Variants in PRIM2 observed in about 807,000 individuals in gnomAD.
PRIM2 encodes the protein DNA primase subunit 2, also known as DNA primase large subunit.
In PRIM2, 39 loss-of-function variants were observed where a neutral mutation model predicts 67.3. The observed-to-expected ratio is 0.58, with a 90% CI of 0.45 to 0.76. The LOEUF (loss-of-function observed/expected upper bound fraction) is 0.76, where lower values mean the gene tolerates loss of function less well. Ranked by LOEUF, PRIM2 falls within the 30% of genes least tolerant of loss-of-function variation. The probability of loss-of-function intolerance (pLI) is 0.00; values close to 1 mark genes in which losing one functional copy is unlikely to be tolerated. For synonymous variants in PRIM2, 143 were observed against 198.7 expected, an observed-to-expected ratio of 0.72 and a Z score of 2.36; for missense variants, 398 against 598.7, an observed-to-expected ratio of 0.66 and a Z score of 3.50.
chr6:57,489,420 G>A (rs1186146770), intron 7 of PRIM2, among the ~76,000 whole-genome samples: 1 of 152,290 alleles, frequency 6.6e-6, no homozygotes, highest in Non-Finnish European at 1.5e-5. Context: ...AGCTGGGCGT[G>A]GTGGTGGGCA....
chr6:57,603,360 A>G (rs1443298324), intron 11 of PRIM2, among the ~76,000 whole-genome samples: 4 of 152,130 alleles, frequency 2.6e-5, no homozygotes, highest in Non-Finnish European at 2.9e-5. Flanking sequence ...AGTGTTTTTG[A>G]TCGCTAGCAT....
chr6:57,413,722 T>C (rs7743201), intron 7 of PRIM2, among the ~76,000 whole-genome samples: 2 of 152,140 alleles, frequency 1.3e-5, no homozygotes, highest in Non-Finnish European at 2.9e-5. Context: ...AAAATTTTAC[T>C]GGAGGATATA....
intron 7 of PRIM2, among the ~76,000 whole-genome samples, chr6:57,502,455 C>T (rs1293832818): frequency 6.6e-6 from 1 of 152,206 alleles, no homozygotes; most frequent in Non-Finnish European, 1.5e-5. Context: ...CTCTGCTTCA[C>T]TATCCGATGC....
chr6:57,488,590 A>C (rs1472660504), intron 7 of PRIM2, among the ~76,000 whole-genome samples: 1 of 152,210 alleles, frequency 6.6e-6, no homozygotes, highest in African/African-American at 2.4e-5. Flanking sequence ...CCTTCAGGGG[A>C]GGAGTCCCAC....
chr6:57,494,493 G>C (rs1773962776), intron 7 of PRIM2, among the ~76,000 whole-genome samples: 1 of 152,292 alleles, frequency 6.6e-6, no homozygotes, highest in African/African-American at 2.4e-5. Context: ...AAGGAATTTT[G>C]CATGTAATTT....
intron 7 of PRIM2, among the ~76,000 whole-genome samples, chr6:57,397,609 C>A (rs1180242034): frequency 6.6e-6 from 1 of 152,014 alleles, no homozygotes; most frequent in Non-Finnish European, 1.5e-5. Context: ...CATTGGGCTT[C>A]CCCTTTCTTG....
chr6:57,322,344 G>A (rs1042514068), intron 3 of PRIM2, among the ~76,000 whole-genome samples: 2 of 152,062 alleles, frequency 1.3e-5, no homozygotes, highest in African/African-American at 2.4e-5. Context: ...TTAGGTGCAG[G>A]AATTAGCTTT....
intron 7 of PRIM2, among the ~76,000 whole-genome samples, chr6:57,440,081 A>G (rs184194968): frequency 2.0e-5 from 3 of 151,304 alleles, no homozygotes; most frequent in Non-Finnish European, 4.4e-5. Context: ...GAAAATTAAA[A>G]CTATTGAGAA....
intron 10 of PRIM2, among the ~76,000 whole-genome samples, chr6:57,547,832 C>T (rs2127473925): frequency 6.6e-6 from 1 of 152,352 alleles, no homozygotes; most frequent in Admixed American, 6.5e-5. Flanking sequence ...AGACTAAGAA[C>T]AAACTTGTGT....
At chr6:57,501,258 T>A (rs1774124538) in intron 7 of PRIM2, among the ~76,000 whole-genome samples, 1 of 152,196 alleles carries the variant, frequency 6.6e-6, no homozygotes, top group East Asian at 1.9e-4. Flanking sequence ...GATTTTTCTA[T>A]ATTTGAGTGG....
chr6:57,326,025 A>G lies in PRIM2; in HGVS notation c.439A>G (p.Ser147Gly). ...TAAAATTCAGGATTTCTTAAAGGAT[A>G]GCCAATTGCAGTTTGAGGCTGTAAG... ...KDKIQDFLKD[S>G]QLQFEAISDE... is the part of the protein sequence containing the mutation. Residue 147 changes from serine to glycine, a missense_variant, in exon 5 of 14, where the codon AGC becomes GGC. Ser to Gly is a moderately conservative substitution (Grantham distance 56). This residue lies in a region of PRIM2 where 229 missense variants were observed against 383.6 expected (regional missense o/e 0.60). Coordinates refer to ENST00000615550, the MANE Select transcript of PRIM2 (RefSeq NM_000947.5). 3 of 1,612,334 alleles carry G rather than the reference A, an allele frequency of 1.9e-6. No homozygotes were observed. Among genetic ancestry groups the G allele is most frequent in the Non-Finnish European group, 2.5e-6 (3 of 1,179,382 alleles).
intron 11 of PRIM2, among the ~76,000 whole-genome samples, chr6:57,602,864 T>A (rs1182278906): frequency 1.3e-5 from 2 of 152,140 alleles, no homozygotes; most frequent in African/African-American, 4.8e-5. Flanking sequence ...TTTTTTAGAG[T>A]TGTTTTAGGT....
intron 5 of PRIM2, among the ~76,000 whole-genome samples, chr6:57,328,064 T>G (rs1767927366): frequency 6.6e-6 from 1 of 152,210 alleles, no homozygotes. Context: ...TAATGCTCGC[T>G]CACTGCTCAC....
the PRIM2 span, among the ~76,000 whole-genome samples, chr6:57,309,197 A>T: frequency 3.3e-5 from 5 of 150,574 alleles, no homozygotes; most frequent in Admixed American, 2.7e-4. Context: ...TGTGCAGGTT[A>T]GTTACATATG....
At chr6:57,578,723 C>T (rs1582000634) in intron 10 of PRIM2, among the ~76,000 whole-genome samples, 2 of 139,034 alleles carry the variant, frequency 1.4e-5, no homozygotes, top group East Asian at 4.4e-4. Context: ...GTCGCCCAGG[C>T]TGGAGTGCAG....
intron 7 of PRIM2, among the ~76,000 whole-genome samples, chr6:57,428,648 G>A (rs1242379686): frequency 6.6e-6 from 1 of 151,976 alleles, no homozygotes; most frequent in Non-Finnish European, 1.5e-5. Flanking sequence ...ATGAAGGGAG[G>A]GCATTGTGCT....
At chr6:57,607,567 AT>A (rs1776586211) in intron 12 of PRIM2, among the ~76,000 whole-genome samples, 1 of 152,154 alleles carries the variant, frequency 6.6e-6, no homozygotes, top group Non-Finnish European at 1.5e-5. Context: ...GAGTATTAAG[AT>A]TTCAAGCTTA....
intron 7 of PRIM2, among the ~76,000 whole-genome samples, chr6:57,415,795 T>G (rs1329635478): frequency 2.0e-5 from 3 of 152,232 alleles, no homozygotes; most frequent in Non-Finnish European, 2.9e-5. Context: ...GAAACTACTT[T>G]CTTTGCTCAT....
intron 7 of PRIM2, among the ~76,000 whole-genome samples, chr6:57,504,237 A>T (rs1213300475): frequency 6.6e-6 from 1 of 152,168 alleles, no homozygotes; most frequent in Non-Finnish European, 1.5e-5. Context: ...CAAGGGTACA[A>T]GTGTAGTTTT....
Sources: gnomAD v4.1 joint callset for allele counts (sites outside exome capture counted in the v4.1 genomes callset) on GRCh38, gnomAD v4.1.1 for gene constraint, gnomAD v4.1.1 regional missense constraint, MANE v1.5 for transcripts, NCBI Gene and HGNC (gene_info 2026-07-23, HGNC 2026-07-21) for gene names.